Variants in IGF1R observed in about 807,000 individuals in gnomAD.
IGF1R encodes insulin like growth factor 1 receptor.
A neutral mutation model predicts 144.6 loss-of-function variants in IGF1R; 44 were observed. The observed-to-expected ratio is 0.30, with a 90% confidence interval of 0.24 to 0.39. The LOEUF is 0.39. IGF1R is among the 10% of genes least tolerant of loss of function. The pLI, the probability that IGF1R is intolerant of heterozygous loss-of-function variation, is 1.00. For synonymous variants in IGF1R, 795 were observed against 722.8 expected (o/e 1.10, Z -1.60); for missense variants, 1,355 against 1,833.7 (o/e 0.74, Z 4.77).
chr15:98,693,151 G>T (rs1198974109), intron 1 of IGF1R, among the ~76,000 whole-genome samples: 1 of 152,126 alleles, frequency 6.6e-6, no homozygotes, highest in African/African-American at 2.4e-5. Flanking sequence ...TTCCTGCTGT[G>T]CCATCCAGCA....
chr15:98,906,979 T>C (rs1308388873), intron 5 of IGF1R, among the ~76,000 whole-genome samples: 1 of 152,216 alleles, frequency 6.6e-6, no homozygotes, highest in Non-Finnish European at 1.5e-5. Flanking sequence ...TTCAGGCTTG[T>C]GATGCAGATT....
chr15:98,766,615 G>A (rs567602972), intron 2 of IGF1R, among the ~76,000 whole-genome samples: 1 of 152,272 alleles, frequency 6.6e-6, no homozygotes, highest in South Asian at 2.1e-4. Context: ...CTCTCTGGGG[G>A]TCCATACATA....
chr15:98,756,249 G>GTTT (rs35407450), intron 2 of IGF1R, among the ~76,000 whole-genome samples: 18 of 142,150 alleles, frequency 1.3e-4, no homozygotes, highest in African/African-American at 4.4e-4. Flanking sequence ...GAAATAACCT[G>GTTT]TTTTTTTTTT....
chr15:98,822,450 C>T (rs1031849037), intron 2 of IGF1R, among the ~76,000 whole-genome samples: 4 of 152,136 alleles, frequency 2.6e-5, no homozygotes, highest in East Asian at 3.8e-4. Flanking sequence ...TAAAAGATCT[C>T]GTCTTACAAG....
intron 2 of IGF1R, among the ~76,000 whole-genome samples, chr15:98,889,642 C>G (rs1230029988): frequency 6.6e-6 from 1 of 152,064 alleles, no homozygotes; most frequent in Non-Finnish European, 1.5e-5. Flanking sequence ...TTTGTAGATA[C>G]TTGTATTTAT....
chr15:98,875,349 CTT>C (rs34303390), intron 2 of IGF1R, among the ~76,000 whole-genome samples: 13 of 130,166 alleles, frequency 1.0e-4, no homozygotes, highest in Admixed American at 1.5e-4. Flanking sequence ...CTTTTCTTTT[CTT>C]TTTTTTTTTT....
chr15:98,857,522 G>A (rs1299526547), intron 2 of IGF1R, among the ~76,000 whole-genome samples: 4 of 152,124 alleles, frequency 2.6e-5, no homozygotes, highest in Admixed American at 6.5e-5. Flanking sequence ...CCCAGCCTAC[G>A]TCTTTAAAAA....
At chr15:98,739,399 G>GT (rs958975524) in intron 2 of IGF1R, among the ~76,000 whole-genome samples, 2 of 152,040 alleles carry the variant, frequency 1.3e-5, no homozygotes, top group African/African-American at 2.4e-5. Context: ...GCACTTTGAT[G>GT]TTTTTTCAGA....
chr15:98,721,197 G>T (rs901820085), intron 2 of IGF1R, among the ~76,000 whole-genome samples: 1 of 152,104 alleles, frequency 6.6e-6, no homozygotes, highest in Non-Finnish European at 1.5e-5. Context: ...TCCTTACTGA[G>T]GACTCTTGCT....
intron 2 of IGF1R, among the ~76,000 whole-genome samples, chr15:98,803,225 C>T (rs1435126299): frequency 6.6e-6 from 1 of 152,182 alleles, no homozygotes; most frequent in Admixed American, 6.5e-5. Context: ...GCCTGTTGCT[C>T]GTAGGCTGCA....
intron 10 of IGF1R, among the ~76,000 whole-genome samples, chr15:98,917,897 T>C (rs2015319633): frequency 6.6e-6 from 1 of 152,156 alleles, no homozygotes; most frequent in Non-Finnish European, 1.5e-5. Flanking sequence ...GTGATGAAAA[T>C]TTTTGGAAAT....
intron 8 of IGF1R, among the ~76,000 whole-genome samples, chr15:98,914,273 G>A (rs1289918019): frequency 6.6e-6 from 1 of 152,234 alleles, no homozygotes; most frequent in Non-Finnish European, 1.5e-5. Flanking sequence ...AGTTTTGGTA[G>A]GGGACACAGG....
intron 1 of IGF1R, among the ~76,000 whole-genome samples, chr15:98,681,557 C>T (rs1332285308): frequency 6.6e-6 from 1 of 152,128 alleles, no homozygotes; most frequent in Non-Finnish European, 1.5e-5. Context: ...GCTTGGATGG[C>T]ATCTGATGCT....
intron 17 of IGF1R, among the ~76,000 whole-genome samples, chr15:98,937,918 C>T (rs1485952147): frequency 6.6e-6 from 1 of 152,154 alleles, no homozygotes; most frequent in African/African-American, 2.4e-5. Context: ...TTTGGACTTA[C>T]CCCCAGTGAC....
At chr15:98,888,743 T>C (rs2141650855) in intron 2 of IGF1R, among the ~76,000 whole-genome samples, 1 of 152,276 alleles carries the variant, frequency 6.6e-6, no homozygotes. Flanking sequence ...TGAAGACATG[T>C]CTCAGTTGGG....
chr15:98,722,113 C>T (rs570730844), intron 2 of IGF1R, among the ~76,000 whole-genome samples: 1 of 152,088 alleles, frequency 6.6e-6, no homozygotes, highest in Non-Finnish European at 1.5e-5. Context: ...AAGGTGCCCC[C>T]GTTTTGTGCA....
chr15:98,875,133 G>A (rs768504781), intron 2 of IGF1R, among the ~76,000 whole-genome samples: 1 of 151,966 alleles, frequency 6.6e-6, no homozygotes, highest in African/African-American at 2.4e-5. Context: ...TCCGGGACGA[G>A]GATGCTCCGG....
chr15:98,792,870 AT>A (rs1422529178), intron 2 of IGF1R, among the ~76,000 whole-genome samples: 1 of 152,262 alleles, frequency 6.6e-6, no homozygotes, highest in African/African-American at 2.4e-5. Flanking sequence ...GAGATTCCAA[AT>A]ACAGATGTAA....
At chr15:98,825,159 A>T (rs933009041) in intron 2 of IGF1R, among the ~76,000 whole-genome samples, 3 of 152,100 alleles carry the variant, frequency 2.0e-5, no homozygotes, top group African/African-American at 7.2e-5. Flanking sequence ...TTAATTTTAC[A>T]AACTTGGCAT....
Sources: allele counts gnomAD v4.1 joint callset (sites outside exome capture counted in the v4.1 genomes callset), GRCh38; gene constraint gnomAD v4.1.1; transcripts MANE v1.5; gene names NCBI Gene and HGNC (gene_info 2026-07-23, HGNC 2026-07-21).